Variants in NUBPL observed in about 807,000 individuals in gnomAD.
NUBPL encodes iron-sulfur cluster transfer protein NUBPL.
Under a neutral mutation model 45.7 loss-of-function variants are expected in NUBPL, and 31 were observed. The observed-to-expected ratio is 0.68, with a 90% CI of 0.51 to 0.92. NUBPL has a LOEUF of 0.92. NUBPL is among the 40% of genes least tolerant of loss of function. NUBPL has a pLI of 0.00. For missense variants in NUBPL, 401 were observed against 398.7 expected, an observed-to-expected ratio of 1.01 and a Z score of -0.05; for synonymous variants, 144 against 140.9, an observed-to-expected ratio of 1.02 and a Z score of -0.15.
chr14:31,676,303 G>C (rs899846169), intron 6 of NUBPL, among the ~76,000 whole-genome samples: 2 of 151,626 alleles, frequency 1.3e-5, no homozygotes, highest in Admixed American at 6.6e-5. Context: ...GATTACAGGC[G>C]TGAGCCACTG....
At chr14:31,839,801 CAAGAG>C (rs2040339781) in intron 8 of NUBPL, among the ~76,000 whole-genome samples, 1 of 152,098 alleles carries the variant, frequency 6.6e-6, no homozygotes, top group Non-Finnish European at 1.5e-5. Flanking sequence ...AGACATTTCT[CAAGAG>C]AAGACATACA....
chr14:31,662,687 A>T (rs189362463), intron 4 of NUBPL, among the ~76,000 whole-genome samples: 1 of 152,150 alleles, frequency 6.6e-6, no homozygotes, highest in East Asian at 1.9e-4. Flanking sequence ...TCTGTGGTGT[A>T]TATTCTTTAT....
chr14:31,600,307 G>T (rs1342782266), intron 4 of NUBPL, among the ~76,000 whole-genome samples: 1 of 152,128 alleles, frequency 6.6e-6, no homozygotes, highest in Non-Finnish European at 1.5e-5. Flanking sequence ...GGTGCCTGGA[G>T]CTATCCTGGC....
intron 6 of NUBPL, among the ~76,000 whole-genome samples, chr14:31,731,752 A>G (rs549380990): frequency 6.6e-5 from 10 of 152,264 alleles, no homozygotes; most frequent in Non-Finnish European, 8.8e-5. Context: ...TATGACTTAC[A>G]TTTAGGAATA....
chr14:31,776,372 G>T (rs535322301), intron 6 of NUBPL, among the ~76,000 whole-genome samples: 2 of 152,192 alleles, frequency 1.3e-5, no homozygotes, highest in East Asian at 3.9e-4. Flanking sequence ...TGACTGCACA[G>T]ATGAGTTTGC....
chr14:31,633,555 G>A (rs2035401513), intron 4 of NUBPL, among the ~76,000 whole-genome samples: 1 of 152,100 alleles, frequency 6.6e-6, no homozygotes, highest in Admixed American at 6.5e-5. Flanking sequence ...AGGATCTTCT[G>A]ATTACCTTCA....
rs112043673 is a variant in NUBPL, at chr14:31,821,725, A to G, written c.608-4904A>G. Among the ~76,000 whole-genome samples the G allele has an allele frequency of 7.6e-3, 1,155 of 152,388 alleles. 16 individuals are homozygous for G. The highest frequency in any genetic ancestry group is 0.026 in the African/African-American group (1,075 of 41,598). ...AAGGAAATCAGTATATCAAAGAGGTATCTGTACTCCCATGTTTATTGCAGC... is the reference window on the plus strand; with the variant it reads ...AAGGAAATCAGTATATCAAAGAGGTGTCTGTACTCCCATGTTTATTGCAGC... On this transcript the variant is annotated intron_variant, in intron 7 of 10. Coordinates refer to ENST00000281081, the MANE Select transcript of NUBPL (RefSeq NM_025152.3).
intron 7 of NUBPL, among the ~76,000 whole-genome samples, chr14:31,792,986 G>A (rs2039409957): frequency 6.6e-6 from 1 of 152,160 alleles, no homozygotes; most frequent in South Asian, 2.1e-4. Flanking sequence ...AATCATGTCT[G>A]CTCTTTCAGA....
chr14:31,849,801 G>A (rs1181589405), intron 9 of NUBPL, among the ~76,000 whole-genome samples: 1 of 152,082 alleles, frequency 6.6e-6, no homozygotes, highest in East Asian at 1.9e-4. Flanking sequence ...ATTAATGGGA[G>A]AAATCATTTG....
At chr14:31,718,025 A>T (rs926279031) in intron 6 of NUBPL, among the ~76,000 whole-genome samples, 1 of 152,212 alleles carries the variant, frequency 6.6e-6, no homozygotes, top group African/African-American at 2.4e-5. Context: ...TAGCCAAAAC[A>T]TCTAAGGCAA....
chr14:31,807,204 T>C (rs2039707029), intron 7 of NUBPL, among the ~76,000 whole-genome samples: 1 of 152,206 alleles, frequency 6.6e-6, no homozygotes, highest in Non-Finnish European at 1.5e-5. Context: ...CACACTGTCT[T>C]CCACAATGGT....
At chr14:31,726,553 T>G (rs1595549482) in intron 6 of NUBPL, among the ~76,000 whole-genome samples, 1 of 152,360 alleles carries the variant, frequency 6.6e-6, no homozygotes, top group African/African-American at 2.4e-5. Flanking sequence ...TTCTTCAACC[T>G]GAGATTCACT....
At chr14:31,689,961 A>G (rs1005238567) in intron 6 of NUBPL, among the ~76,000 whole-genome samples, 1 of 150,482 alleles carries the variant, frequency 6.6e-6, no homozygotes, top group African/African-American at 2.4e-5. Context: ...ATTGTTAAAG[A>G]TCAGATGGTT....
chr14:31,740,452 T>A (rs541012952), intron 6 of NUBPL, among the ~76,000 whole-genome samples: 73 of 152,356 alleles, frequency 4.8e-4, no homozygotes, highest in Non-Finnish European at 8.7e-4. Context: ...ATATATCTTA[T>A]TTGGTGAGAT....
At position 31,609,078 on chromosome 14, in the gene NUBPL, A is replaced by G. The variant is rs550905933; in HGVS notation, c.382+9699A>G. On this transcript the variant is annotated intron_variant, in intron 4 of 10. Coordinates refer to ENST00000281081, the MANE Select transcript of NUBPL (RefSeq NM_025152.3). Reference sequence around the variant, plus strand: ...AACAATATGGCAGGAATAAGTCTTTATTTATTAGTAATAACAATGGACTAA... The same window carrying G: ...AACAATATGGCAGGAATAAGTCTTTGTTTATTAGTAATAACAATGGACTAA... Among the ~76,000 whole-genome samples the G allele has an allele frequency of 7.9e-5, 12 of 152,290 alleles. No individual in the cohort carries two copies. The South Asian group carries it at 2.5e-3, about 32-fold the overall frequency.
intron 6 of NUBPL, among the ~76,000 whole-genome samples, chr14:31,713,329 A>T (rs2037618789): frequency 6.6e-6 from 1 of 152,050 alleles, no homozygotes; most frequent in Non-Finnish European, 1.5e-5. Flanking sequence ...GAGTTCTTTT[A>T]TTAAGGCCAT....
intron 3 of NUBPL, among the ~76,000 whole-genome samples, chr14:31,575,939 A>G (rs907481930): frequency 2.0e-5 from 3 of 152,230 alleles, no homozygotes; most frequent in Admixed American, 2.0e-4. Context: ...GTCAATTCAA[A>G]GGCAATTCTT....
intron 9 of NUBPL, chr14:31,849,903 C>CT (rs968621631): frequency 3.5e-6 from 2 of 579,360 alleles, no homozygotes; most frequent in Non-Finnish European, 3.1e-6. Flanking sequence ...CAGAGCTTTC[C>CT]TATATAAACA....
chr14:31,725,972 A>G (rs2037914474), intron 6 of NUBPL, among the ~76,000 whole-genome samples: 1 of 152,028 alleles, frequency 6.6e-6, no homozygotes, highest in Non-Finnish European at 1.5e-5. Flanking sequence ...AGCCTCCCAA[A>G]GTCCTGGGAT....
Sources: gnomAD v4.1 joint callset for allele counts (sites outside exome capture counted in the v4.1 genomes callset) on GRCh38, gnomAD v4.1.1 for gene constraint, MANE v1.5 for transcripts, NCBI Gene and HGNC (gene_info 2026-07-23, HGNC 2026-07-21) for gene names.